Variants in PTPRD observed in about 807,000 individuals in gnomAD.
PTPRD encodes the protein receptor-type tyrosine-protein phosphatase delta.
A neutral mutation model predicts 214.5 loss-of-function variants in PTPRD; 34 were observed. The observed-to-expected ratio is 0.16, with a 90% confidence interval of 0.12 to 0.21. The LOEUF is 0.21. Among genes scored for constraint, PTPRD ranks in the 10% least tolerant of loss-of-function variants. PTPRD has a pLI of 1.00. For synonymous variants in PTPRD, 1,128 were observed against 845.7 expected (o/e 1.33, Z -5.79); for missense variants, 2,545 against 2,398.7 (o/e 1.06, Z -1.27).
At chr9:8,502,758 C>A (rs957052476) in intron 23 of PTPRD, among the ~76,000 whole-genome samples, 3 of 151,610 alleles carry the variant, frequency 2.0e-5, no homozygotes, top group African/African-American at 7.3e-5. Flanking sequence ...ATATATTCAA[C>A]ACCATTTGAA....
Position 8,959,975 on chromosome 9 carries a change from C to T in PTPRD, c.-104+58722G>A, listed in dbSNP as rs549468756. ...AACATCATCTTTCTTTCCCCAGTCACACTGTGCACATGTTCATTCATTTAC... is the reference window on the plus strand; with the variant it reads ...AACATCATCTTTCTTTCCCCAGTCATACTGTGCACATGTTCATTCATTTAC... On this transcript the variant is annotated intron_variant, in intron 11 of 45. Coordinates refer to ENST00000381196, the MANE Select transcript of PTPRD (RefSeq NM_002839.4). 1.2e-4 allele frequency among the ~76,000 whole-genome samples: 19 copies of T among 152,152 alleles called. No homozygotes were observed. The East Asian group carries it at 3.5e-3, about 28-fold the overall frequency.
rs373802811 is a variant in PTPRD, at chr9:10,430,396, G to T, written c.-599-89379C>A. ...TTAAATAATGGTTAAATTACTTTACGCGTGTGAGTATGCCTCTCTATATAC... is the reference window on the plus strand; with the variant it reads ...TTAAATAATGGTTAAATTACTTTACTCGTGTGAGTATGCCTCTCTATATAC... On this transcript the variant is annotated intron_variant, in intron 2 of 45. Transcript: ENST00000381196. Among the ~76,000 whole-genome samples the T allele has an allele frequency of 2.6e-5, 4 of 151,804 alleles. No homozygotes were observed. The East Asian group carries it at 7.8e-4, about 29-fold the overall frequency.
intron 9 of PTPRD, among the ~76,000 whole-genome samples, chr9:9,309,086 T>C (rs771377714): frequency 6.6e-6 from 1 of 152,046 alleles, no homozygotes; most frequent in African/African-American, 2.4e-5. Context: ...CAAATAAAAA[T>C]AAAAAACCAA....
intron 11 of PTPRD, among the ~76,000 whole-genome samples, chr9:8,813,385 G>A (rs1319787265): frequency 1.3e-5 from 2 of 152,118 alleles, no homozygotes; most frequent in African/African-American, 4.8e-5. Context: ...ATGCATCTTA[G>A]GAAATAAGTA....
At chr9:9,375,383 G>C (rs2060512298) in intron 9 of PTPRD, among the ~76,000 whole-genome samples, 1 of 152,120 alleles carries the variant, frequency 6.6e-6, no homozygotes, top group Admixed American at 6.6e-5. Flanking sequence ...AGATCATGAG[G>C]TCAGGAGTTC....
intron 10 of PTPRD, among the ~76,000 whole-genome samples, chr9:9,109,220 C>T (rs771095147): frequency 1.3e-5 from 2 of 152,122 alleles, no homozygotes; most frequent in East Asian, 1.9e-4. Context: ...CCTTGCTAAG[C>T]TTGTTATACT....
chr9:8,324,132 G>C (rs1322994959), intron 44 of PTPRD, among the ~76,000 whole-genome samples: 1 of 150,914 alleles, frequency 6.6e-6, no homozygotes, highest in Non-Finnish European at 1.5e-5. Flanking sequence ...TTAAGTTCTG[G>C]GGTAGATGAG....
chr9:9,968,346 C>A lies in PTPRD; in HGVS notation c.-471-29736G>T, dbSNP rs181228651. On this transcript the variant is annotated intron_variant, in intron 4 of 45. Transcript: ENST00000381196. ...GTACAACCCCTAAAACGTCATTTTG[C>A]ACTGTCTTATTAAGAAACATATTTT... is the stretch of plus-strand genomic sequence containing the variant. 6.0e-4 allele frequency among the ~76,000 whole-genome samples: 92 copies of A among 152,248 alleles called. No individual in the cohort carries two copies. In the East Asian group the frequency reaches 0.016, roughly 27 times the overall value.
At chr9:8,328,143 C>T (rs1293382036) in intron 44 of PTPRD, among the ~76,000 whole-genome samples, 3 of 152,176 alleles carry the variant, frequency 2.0e-5, no homozygotes, top group Non-Finnish European at 2.9e-5. Flanking sequence ...TGTGTTTTTG[C>T]AGTGGCTGGT....
intron 2 of PTPRD, among the ~76,000 whole-genome samples, chr9:10,354,796 C>G (rs1597892769): frequency 6.6e-6 from 1 of 152,082 alleles, no homozygotes; most frequent in Non-Finnish European, 1.5e-5. Flanking sequence ...GGAAATGCAT[C>G]TGACAGTTCT....
intron 3 of PTPRD, among the ~76,000 whole-genome samples, chr9:10,091,389 C>T (rs1329992468): frequency 6.6e-6 from 1 of 151,464 alleles, no homozygotes; most frequent in Non-Finnish European, 1.5e-5. Context: ...CAATTCATTA[C>T]TGAACTATCC....
At chr9:9,518,374 G>T (rs2096886073) in intron 8 of PTPRD, among the ~76,000 whole-genome samples, 1 of 152,014 alleles carries the variant, frequency 6.6e-6, no homozygotes, top group Non-Finnish European at 1.5e-5. Context: ...AAATATAGTA[G>T]CATTGTCAAA....
intron 11 of PTPRD, among the ~76,000 whole-genome samples, chr9:9,007,475 T>TTA (rs199532977): frequency 0.35 from 18,947 of 54,918 alleles, 1,435 homozygotes; most frequent in Middle Eastern, 0.5. Context: ...AAAAATATAT[T>TTA]TTTTTTTATG....
At chr9:9,512,126 C>T (rs2096724118) in intron 8 of PTPRD, among the ~76,000 whole-genome samples, 1 of 151,680 alleles carries the variant, frequency 6.6e-6, no homozygotes, top group Admixed American at 6.6e-5. Flanking sequence ...ATAAGAGAAA[C>T]AGCTAAGGAC....
chr9:10,265,683 AC>A (rs1470334729), intron 3 of PTPRD, among the ~76,000 whole-genome samples: 7 of 152,234 alleles, frequency 4.6e-5, no homozygotes, highest in Admixed American at 2.6e-4. Context: ...AATGTCATTT[AC>A]AAAAACAGGC....
In PTPRD at chr9:9,577,290, A is replaced by G. The variant is rs571201442; in HGVS notation, c.-286-2509T>C. On this transcript the variant is annotated intron_variant, in intron 7 of 45. Transcript: ENST00000381196. ...TTAAAAAGGAAAGCATTGGCTGGGC[A>G]TGGTGGCTAATGTCTGTAACCTCAG... Among the ~76,000 whole-genome samples, 4 of 152,284 alleles carry G rather than the reference A, an allele frequency of 2.6e-5. No homozygotes were observed. In the South Asian group the frequency reaches 8.3e-4, roughly 32 times the overall value.
In PTPRD at chr9:8,376,714, G is replaced by C; in HGVS notation, c.4399C>G (p.Gln1467Glu). The C allele has an allele frequency of 6.2e-7, 1 of 1,612,774 alleles. No individual in the cohort carries two copies. The highest frequency in any genetic ancestry group is 8.5e-7 in the Non-Finnish European group (1 of 1,179,186). Residue 1467 changes from glutamine to glutamate, a missense_variant, in exon 38 of 46, where the codon CAG becomes GAG. Transcript: ENST00000381196. ...TCTGTGCCTCTGCTAGGCCAATACTGGTCACACTTCACCTACAAGAAACAA... is the reference window on the plus strand; with the variant it reads ...TCTGTGCCTCTGCTAGGCCAATACTCGTCACACTTCACCTACAAGAAACAA... ...LEERSRVKCD[Q>E]YWPSRGTETH...
At chr9:8,319,515 ATATATT>A (rs1825193680) in intron 45 of PTPRD, among the ~76,000 whole-genome samples, 1 of 151,878 alleles carries the variant, frequency 6.6e-6, no homozygotes, top group South Asian at 2.1e-4. Context: ...CTATATATTT[ATATATT>A]TATATTATAG....
At chr9:8,780,002 C>G (rs1053129699) in intron 11 of PTPRD, among the ~76,000 whole-genome samples, 2 of 152,056 alleles carry the variant, frequency 1.3e-5, no homozygotes, top group African/African-American at 4.8e-5. Context: ...AATGTAACAT[C>G]AAAATCCTAG....
Sources: allele counts gnomAD v4.1 joint callset (sites outside exome capture counted in the v4.1 genomes callset), GRCh38; gene constraint gnomAD v4.1.1; transcripts MANE v1.5; gene names NCBI Gene and HGNC (gene_info 2026-07-23, HGNC 2026-07-21).